TTC7A: variants seen among roughly 807,000 people sequenced by gnomAD.
TTC7A encodes the protein tetratricopeptide repeat domain 7A, also known as tetratricopeptide repeat protein 7A.
TTC7A carries 110 observed loss-of-function variants against 103.7 expected under a neutral mutation model. That is an observed-to-expected ratio of 1.06 (90% CI 0.91 to 1.24). The LOEUF is 1.24. TTC7A is among the 50% of genes most tolerant of loss of function. The probability of loss-of-function intolerance (pLI) is 0.00; values close to 1 mark genes in which losing one functional copy is unlikely to be tolerated. For missense variants in TTC7A, 1,340 were observed against 1,116.3 expected, an observed-to-expected ratio of 1.20 and a Z score of -2.86; for synonymous variants, 521 against 467.9, an observed-to-expected ratio of 1.11 and a Z score of -1.47.
intron 8 of TTC7A, among the ~76,000 whole-genome samples, chr2:47,001,963 G>C (rs535554633): frequency 1.3e-5 from 2 of 152,066 alleles, no homozygotes; most frequent in Non-Finnish European, 2.9e-5. Flanking sequence ...CAGCCTGCCT[G>C]AGGCCTTTCC....
At chr2:47,055,726 C>T (rs1211674343) in intron 18 of TTC7A, among the ~76,000 whole-genome samples, 1 of 152,164 alleles carries the variant, frequency 6.6e-6, no homozygotes, top group Non-Finnish European at 1.5e-5. Flanking sequence ...GCCTGAGTCT[C>T]AGCTCCCCAG....
chr2:47,021,608 C>T (rs1455295896), intron 11 of TTC7A, among the ~76,000 whole-genome samples: 1 of 152,232 alleles, frequency 6.6e-6, no homozygotes, highest in African/African-American at 2.4e-5. Flanking sequence ...AGGACAGGCA[C>T]AGACACAGGC....
chr2:47,064,028 CCT>C (rs1297232127), intron 19 of TTC7A, among the ~76,000 whole-genome samples: 1 of 152,250 alleles, frequency 6.6e-6, no homozygotes, highest in Non-Finnish European at 1.5e-5. Flanking sequence ...TCCCTGTCCC[CCT>C]GTCGGTGCCC....
chr2:47,057,930 C>T (rs904669031), intron 18 of TTC7A, among the ~76,000 whole-genome samples: 2 of 152,192 alleles, frequency 1.3e-5, no homozygotes, highest in Non-Finnish European at 2.9e-5. Context: ...TTTAGTGGCT[C>T]AGCTGCTCCC....
chr2:46,965,859 C>G, intron 3 of TTC7A, among the ~76,000 whole-genome samples: 1 of 152,102 alleles, frequency 6.6e-6, no homozygotes, highest in South Asian at 2.1e-4. Flanking sequence ...CACCATGCCC[C>G]GCTTAGATTT....
chr2:47,018,682 T>G (rs927515033), intron 11 of TTC7A, among the ~76,000 whole-genome samples: 5 of 151,920 alleles, frequency 3.3e-5, no homozygotes, highest in African/African-American at 1.2e-4. Context: ...TATCTACATA[T>G]GTAAATATAT....
intron 3 of TTC7A, among the ~76,000 whole-genome samples, chr2:46,965,392 C>T (rs1672746254): frequency 6.6e-6 from 1 of 152,160 alleles, no homozygotes. Flanking sequence ...GACAGGAGCT[C>T]AGTCCCTGTG....
At chr2:46,940,372 C>T (rs996098069), upstream of TTC7A, among the ~76,000 whole-genome samples, 3 of 152,114 alleles carry the variant, frequency 2.0e-5, no homozygotes, top group African/African-American at 7.2e-5. This position sits in a 1 kb window ranked among gnomAD's most constrained non-coding sequence, Gnocchi z 4.7. Flanking sequence ...GCTTCTCCAG[C>T]ACTGGTCTGT....
intron 2 of TTC7A, chr2:46,951,878 T>C: frequency 1.2e-5 from 4 of 345,104 alleles, no homozygotes; most frequent in South Asian, 4.5e-5. Context: ...ATAAGTCCTA[T>C]CAGCAAGTAA....
chr2:47,046,848 G>T, intron 16 of TTC7A: 1 of 235,510 alleles, frequency 4.2e-6, no homozygotes, highest in East Asian at 1.1e-4. Flanking sequence ...TGGTAGTGCT[G>T]GGACTTGAAC....
chr2:46,956,785 T>G, intron 2 of TTC7A, 54 bp from the exon 3 acceptor site: 1 of 1,587,624 alleles, frequency 6.3e-7, no homozygotes. Context: ...GTGGGGGTGT[T>G]CACCCCAAGG....
chr2:47,059,009 C>CTTTTTTTTTTTTTTTTTTTTTTT (rs35753980), intron 18 of TTC7A, among the ~76,000 whole-genome samples: 1 of 44,702 alleles, frequency 2.2e-5, no homozygotes, highest in African/African-American at 1.2e-4. Context: ...CCTAAGCCTG[C>CTTTTTTTTTTTTTTTTTTTTTTT]TTTTTTTTTT....
Position 47,074,970 on chromosome 2 carries a change from C to G in TTC7A, c.*1047C>G, listed in dbSNP as rs548299322. On this transcript the variant is annotated 3_prime_UTR_variant, in exon 20 of 20. Transcript: ENST00000319190. ...TGGAACTCTTCTCCAAGGAGTCAGT[C>G]CCCCAGGCCTATCAGGGGATCCTTT... 2.8e-4 allele frequency: 42 copies of G among 152,358 alleles called. No homozygotes were observed. The highest frequency in any genetic ancestry group is 8.7e-4 in the African/African-American group (36 of 41,572). 9.4% of individuals were successfully genotyped at this position (152,358 alleles called of 1,614,324 possible).
At chr2:47,071,718 G>A (rs1457475873) in intron 19 of TTC7A, among the ~76,000 whole-genome samples, 1 of 152,128 alleles carries the variant, frequency 6.6e-6, no homozygotes, top group African/African-American at 2.4e-5. Context: ...GGAAGTTACT[G>A]CAAACCTCCG....
At chr2:46,942,651 C>T (rs1670541220) in intron 1 of TTC7A, among the ~76,000 whole-genome samples, 1 of 152,146 alleles carries the variant, frequency 6.6e-6, no homozygotes. Flanking sequence ...TCCCACTTTA[C>T]AGATAAGGAA....
At chr2:47,072,758 G>A (rs1182885251) in intron 19 of TTC7A, among the ~76,000 whole-genome samples, 2 of 152,160 alleles carry the variant, frequency 1.3e-5, no homozygotes, top group African/African-American at 4.8e-5. Flanking sequence ...GCTGAAACAG[G>A]GATCAGTGGG....
chr2:47,053,532 T>C (rs927223748), intron 18 of TTC7A, among the ~76,000 whole-genome samples: 1 of 124,704 alleles, frequency 8.0e-6, no homozygotes, highest in African/African-American at 3.4e-5. Context: ...GTGGGTTTTT[T>C]TGTTTGTTTG....
At chr2:46,970,170 G>C (rs7605942) in intron 3 of TTC7A, among the ~76,000 whole-genome samples, 84,528 of 151,946 alleles carry the variant, frequency 0.56, 24,538 homozygotes, top group East Asian at 0.66. Flanking sequence ...TTTCTATTTT[G>C]GGGGGGACGG....
chr2:47,022,051 G>T lies in TTC7A; in HGVS notation c.1510+72G>T. ...TTCCTAACTGCCTCAGAGGCATCTT[G>T]TCCTACCGGCACCCCTCCCCTCAGG... On this transcript the variant is annotated intron_variant, in intron 12 of 19. Coordinates refer to ENST00000319190, the MANE Select transcript of TTC7A (RefSeq NM_020458.4). The T allele has an allele frequency of 3.6e-6, 4 of 1,123,316 alleles. No homozygotes were observed. The South Asian group carries it at 4.0e-5, about 11-fold the overall frequency. The allele number at this position is 1,123,316 out of a possible 1,614,324, so 69.6% of individuals were successfully genotyped here. A position where few individuals can be genotyped will look rare whatever the true frequency, so the allele number is the denominator to read the frequency against.
Sources: allele counts gnomAD v4.1 joint callset (sites outside exome capture counted in the v4.1 genomes callset), GRCh38; gene constraint gnomAD v4.1.1; non-coding constraint Gnocchi (gnomAD v3.1); transcripts MANE v1.5; gene names NCBI Gene and HGNC (gene_info 2026-07-23, HGNC 2026-07-21).